Variants in SLC44A5 observed in about 807,000 individuals in gnomAD.
SLC44A5 encodes choline transporter-like protein 5.
In SLC44A5, 57 loss-of-function variants were observed where a neutral mutation model predicts 101.8. That is an observed-to-expected ratio of 0.56 (90% CI 0.45 to 0.70). SLC44A5 has a LOEUF of 0.70. SLC44A5 is among the 30% of genes least tolerant of loss of function. SLC44A5 has a pLI of 0.00. For synonymous variants in SLC44A5, 281 were observed against 290.9 expected, an observed-to-expected ratio of 0.97 and a Z score of 0.35; for missense variants, 737 against 853.1, an observed-to-expected ratio of 0.86 and a Z score of 1.70.
intron 2 of SLC44A5, among the ~76,000 whole-genome samples, chr1:75,446,055 C>G (rs34835679): frequency 2.0e-5 from 3 of 152,252 alleles, no homozygotes; most frequent in Middle Eastern, 3.4e-3. Flanking sequence ...CACTACTACT[C>G]TAAGCTACCA....
At chr1:75,488,656 T>C (rs1304815671) in intron 2 of SLC44A5, among the ~76,000 whole-genome samples, 4 of 152,208 alleles carry the variant, frequency 2.6e-5, no homozygotes, top group African/African-American at 9.7e-5. Flanking sequence ...GTGTTGGCAG[T>C]AACTAGAAAT....
rs745593621 is a variant in SLC44A5, at chr1:75,573,127, C to CAAAAA, written c.-69-31616_-69-31612dup. 7.5e-3 allele frequency among the ~76,000 whole-genome samples: 125 copies of CAAAAA among 16,712 alleles called. 16 individuals are homozygous for CAAAAA. Among genetic ancestry groups the CAAAAA allele is most frequent in the African/African-American group, 0.03 (123 of 4,070 alleles). 11.0% of individuals were successfully genotyped at this position (16,712 alleles called of 152,430 possible). On this transcript the variant is annotated intron_variant, in intron 1 of 23. Coordinates refer to ENST00000370859, the MANE Select transcript of SLC44A5 (RefSeq NM_001130058.2). The stretch of plus-strand genomic sequence containing the variant: ...TGAGCGACAGAGCAAGGCTCCATCT[C>CAAAAA]AAAAAAAAAAAAAAAAAAAAAAAAA...
At chr1:75,588,515 C>T (rs768021510) in intron 1 of SLC44A5, among the ~76,000 whole-genome samples, 3 of 151,674 alleles carry the variant, frequency 2.0e-5, no homozygotes, top group Non-Finnish European at 4.4e-5. Context: ...CATATCTGCC[C>T]GATCCGAAAG....
At chr1:75,314,935 A>G (rs770597087) in intron 4 of SLC44A5, among the ~76,000 whole-genome samples, 10 of 152,176 alleles carry the variant, frequency 6.6e-5, no homozygotes, top group Non-Finnish European at 1.0e-4. Flanking sequence ...GGAAGAATAT[A>G]CTAGAATACA....
At chr1:75,257,392 A>G (rs76381088) in intron 6 of SLC44A5, among the ~76,000 whole-genome samples, 2,698 of 152,260 alleles carry the variant, frequency 0.018, 88 homozygotes, top group African/African-American at 0.062. Context: ...CCAAAATAAC[A>G]AGTAGATAAT....
chr1:75,611,319 G>A (rs549978329), upstream of SLC44A5, among the ~76,000 whole-genome samples: 2 of 152,284 alleles, frequency 1.3e-5, no homozygotes, highest in South Asian at 2.1e-4. Flanking sequence ...GAAGTAGGTA[G>A]TTTGGAGGTG....
chr1:75,652,623 T>C, the SLC44A5 span, among the ~76,000 whole-genome samples: 1 of 152,242 alleles, frequency 6.6e-6, no homozygotes, highest in East Asian at 1.9e-4. Context: ...AGCAAGACCC[T>C]ATCACTACAA....
intron 1 of SLC44A5, among the ~76,000 whole-genome samples, chr1:75,567,019 G>T (rs576644683): frequency 6.6e-6 from 1 of 152,138 alleles, no homozygotes; most frequent in Admixed American, 6.6e-5. Flanking sequence ...TCTCTGCTTC[G>T]TATTTTCCTA....
intron 1 of SLC44A5, among the ~76,000 whole-genome samples, chr1:75,600,505 A>ATATT (rs1319961933): frequency 5.9e-5 from 9 of 152,106 alleles, no homozygotes; most frequent in African/African-American, 2.2e-4. Flanking sequence ...TCTCATCCAA[A>ATATT]TATTTATTTA....
chr1:75,496,398 C>CCATATG (rs1668674362), intron 2 of SLC44A5, among the ~76,000 whole-genome samples: 2 of 151,980 alleles, frequency 1.3e-5, no homozygotes, highest in South Asian at 4.1e-4. Flanking sequence ...AACTGGATAT[C>CCATATG]CATATGCAAA....
chr1:75,618,261 C>T, the SLC44A5 span, among the ~76,000 whole-genome samples: 1 of 152,228 alleles, frequency 6.6e-6, no homozygotes. Flanking sequence ...ACTGTTAGCA[C>T]TTCAAAGTGT....
chr1:75,527,732 AT>A (rs1670500288), intron 2 of SLC44A5, among the ~76,000 whole-genome samples: 1 of 151,564 alleles, frequency 6.6e-6, no homozygotes, highest in Non-Finnish European at 1.5e-5. Context: ...AAAAAAAATC[AT>A]TTAATTTTAC....
At chr1:75,203,948 T>TG (rs1646705609) in intron 23 of SLC44A5, 115 bp from the exon 24 acceptor site, 33 of 1,304,762 alleles carry the variant, frequency 2.5e-5, no homozygotes, top group Non-Finnish European at 3.2e-5. Flanking sequence ...TTGTTTTTTT[T>TG]TTGTTGTTGT....
chr1:75,569,417 T>A (rs549202099), intron 1 of SLC44A5, among the ~76,000 whole-genome samples: 10 of 152,082 alleles, frequency 6.6e-5, no homozygotes, highest in African/African-American at 2.4e-4. Context: ...AATTTTTGTA[T>A]TTTTTGTAGA....
chr1:75,336,572 A>G (rs1657461116), intron 4 of SLC44A5, among the ~76,000 whole-genome samples: 1 of 152,162 alleles, frequency 6.6e-6, no homozygotes, highest in African/African-American at 2.4e-5. Context: ...CCATCTCTAA[A>G]ACCCGAGATG....
At chr1:75,392,019 G>A (rs1249824) in intron 3 of SLC44A5, among the ~76,000 whole-genome samples, 96,014 of 151,834 alleles carry the variant, frequency 0.63, 32,005 homozygotes, top group East Asian at 0.96. Context: ...GCCAGGCATC[G>A]TGGCACATAG....
chr1:75,516,296 C>G (rs1381641405), intron 2 of SLC44A5, among the ~76,000 whole-genome samples: 2 of 152,020 alleles, frequency 1.3e-5, no homozygotes, highest in Non-Finnish European at 2.9e-5. Context: ...GGGTGGATCA[C>G]GAGGTCAGGA....
chr1:75,207,058 C>T (rs890836694), intron 23 of SLC44A5, among the ~76,000 whole-genome samples: 10 of 152,100 alleles, frequency 6.6e-5, no homozygotes, highest in African/African-American at 1.7e-4. Context: ...CCAAATCCTC[C>T]GGGATGGAGC....
At chr1:75,687,677 T>C in the SLC44A5 span, among the ~76,000 whole-genome samples, 273 of 152,346 alleles carry the variant, frequency 1.8e-3, no homozygotes, top group Middle Eastern at 3.4e-3. Flanking sequence ...TCAAATTTCA[T>C]TGGATGTGAA....
Sources: gnomAD v4.1 joint callset for allele counts (sites outside exome capture counted in the v4.1 genomes callset) on GRCh38, gnomAD v4.1.1 for gene constraint, MANE v1.5 for transcripts, NCBI Gene and HGNC (gene_info 2026-07-23, HGNC 2026-07-21) for gene names.